PRKG1: variants seen among roughly 807,000 people sequenced by gnomAD.
PRKG1 encodes the protein cGMP-dependent protein kinase 1.
Under a neutral mutation model 88.1 loss-of-function variants are expected in PRKG1, and 35 were observed. The observed-to-expected ratio is 0.40, with a 90% CI of 0.30 to 0.53. PRKG1 has a LOEUF of 0.53. PRKG1 is among the 20% of genes least tolerant of loss of function. The pLI is 0.59. For synonymous variants in PRKG1, 303 were observed against 292.5 expected (o/e 1.04, Z -0.37); for missense variants, 540 against 839.8 (o/e 0.64, Z 4.41).
chr10:52,026,349 C>T (rs1164191866), intron 5 of PRKG1, among the ~76,000 whole-genome samples: 3 of 152,158 alleles, frequency 2.0e-5, no homozygotes, highest in East Asian at 3.9e-4. Context: ...AATTACACTT[C>T]TTTGCATATG....
chr10:51,570,883 C>T (rs1837735408), intron 3 of PRKG1, among the ~76,000 whole-genome samples: 1 of 151,880 alleles, frequency 6.6e-6, no homozygotes, highest in South Asian at 2.1e-4. Flanking sequence ...TGAATAGATT[C>T]CTAATGGAAC....
rs1192012355 is a variant in PRKG1 at position 51,989,305 on chromosome 10, G to A, written c.763-65179G>A. Among the ~76,000 whole-genome samples the A allele has an allele frequency of 1.3e-5, 2 of 152,106 alleles. 1 individual carries two copies. Among genetic ancestry groups the A allele is most frequent in the East Asian group, 3.9e-4 (2 of 5,194 alleles). ...GAGTTTGGTCTTTATATTGAGATTA[G>A]TAGGGAACAGTTGCAAGGTGTTAGT... On this transcript the variant is annotated intron_variant, in intron 5 of 17. Transcript: ENST00000373980.
intron 12 of PRKG1, among the ~76,000 whole-genome samples, chr10:52,273,386 C>T (rs1841784807): frequency 6.6e-6 from 1 of 151,914 alleles, no homozygotes; most frequent in Admixed American, 6.6e-5. Context: ...TGTTTGAGTC[C>T]TGCCTCCCAG....
chr10:52,156,772 C>A (rs939263514), intron 8 of PRKG1, among the ~76,000 whole-genome samples: 1 of 151,704 alleles, frequency 6.6e-6, no homozygotes, highest in Non-Finnish European at 1.5e-5. Context: ...ATGAAGGATC[C>A]CTCTGAAACC....
chr10:51,775,230 G>C (rs1043179309), intron 3 of PRKG1, among the ~76,000 whole-genome samples: 2 of 152,120 alleles, frequency 1.3e-5, no homozygotes, highest in Admixed American at 6.6e-5. Flanking sequence ...TATTCTGGTA[G>C]TGATGAATTT....
At chr10:52,253,648 A>G (rs560048754) in intron 10 of PRKG1, among the ~76,000 whole-genome samples, 52 of 151,856 alleles carry the variant, frequency 3.4e-4, no homozygotes, top group African/African-American at 1.2e-3. Context: ...TGTACATATA[A>G]TCTCCATCCC....
intron 2 of PRKG1, among the ~76,000 whole-genome samples, chr10:51,449,777 T>C (rs536196758): frequency 1.2e-4 from 16 of 129,146 alleles, no homozygotes; most frequent in African/African-American, 5.1e-4. Flanking sequence ...AAATACAATA[T>C]TTTTGCTTTT....
At chr10:51,092,496 A>C in intron 1 of PRKG1, among the ~76,000 whole-genome samples, 1 of 152,238 alleles carries the variant, frequency 6.6e-6, no homozygotes, top group South Asian at 2.1e-4. Context: ...GCTGAAGCTA[A>C]CTCCACTTTG....
chr10:51,211,572 G>A (rs1269981192), intron 2 of PRKG1, among the ~76,000 whole-genome samples: 5 of 152,192 alleles, frequency 3.3e-5, no homozygotes, highest in East Asian at 1.9e-4. Context: ...AAACCCCATC[G>A]TCTCAGCCTA....
intron 2 of PRKG1, among the ~76,000 whole-genome samples, chr10:51,237,122 G>A (rs1258655627): frequency 1.3e-5 from 2 of 152,200 alleles, no homozygotes; most frequent in Non-Finnish European, 1.5e-5. Context: ...CTAGGCAGTG[G>A]ACATTGAATA....
chr10:52,142,712 A>C (rs146396052), intron 8 of PRKG1, among the ~76,000 whole-genome samples: 75 of 152,262 alleles, frequency 4.9e-4, no homozygotes, highest in African/African-American at 1.8e-3. Flanking sequence ...TCAGCTAATA[A>C]ATTTATTTCA....
intron 3 of PRKG1, among the ~76,000 whole-genome samples, chr10:51,710,182 TG>T (rs1277490815): frequency 6.6e-6 from 1 of 152,148 alleles, no homozygotes; most frequent in African/African-American, 2.4e-5. Flanking sequence ...TTTGAGTCTC[TG>T]GCAGAACAGC....
chr10:51,213,595 T>C (rs1439964187), intron 2 of PRKG1, among the ~76,000 whole-genome samples: 1 of 152,238 alleles, frequency 6.6e-6, no homozygotes. Flanking sequence ...TTAGAAGAAT[T>C]TGCATTATAT....
At chr10:51,998,893 T>C (rs1407307985) in intron 5 of PRKG1, among the ~76,000 whole-genome samples, 2 of 152,228 alleles carry the variant, frequency 1.3e-5, no homozygotes, top group Non-Finnish European at 2.9e-5. Context: ...TTCAGTCTTT[T>C]CATCTCGTGT....
chr10:51,573,662 G>A (rs1033016930), intron 3 of PRKG1, among the ~76,000 whole-genome samples: 1 of 151,744 alleles, frequency 6.6e-6, no homozygotes, highest in Non-Finnish European at 1.5e-5. Context: ...CTTGAACAGA[G>A]CCTCCTGAAT....
intron 1 of PRKG1, among the ~76,000 whole-genome samples, chr10:51,100,103 A>C (rs921671292): frequency 1.2e-4 from 19 of 152,094 alleles, no homozygotes; most frequent in Non-Finnish European, 2.9e-5. Context: ...TGTGTTGCCC[A>C]GGTTGGTCCT....
intron 4 of PRKG1, among the ~76,000 whole-genome samples, chr10:51,895,569 C>T (rs548513151): frequency 6.6e-6 from 1 of 152,044 alleles, no homozygotes; most frequent in Non-Finnish European, 1.5e-5. Context: ...TTGGCTGCAC[C>T]GGGAACCAGA....
intron 3 of PRKG1, among the ~76,000 whole-genome samples, chr10:51,774,274 C>T (rs1200185247): frequency 6.6e-6 from 1 of 152,038 alleles, no homozygotes; most frequent in African/African-American, 2.4e-5. Flanking sequence ...ATCACTTTGC[C>T]TAATGAGATA....
intron 3 of PRKG1, among the ~76,000 whole-genome samples, chr10:51,695,234 G>A (rs1841257731): frequency 6.6e-6 from 1 of 152,040 alleles, no homozygotes; most frequent in Non-Finnish European, 1.5e-5. Flanking sequence ...ATTCTCTCTG[G>A]GGAACATAAG....
Sources: gnomAD v4.1 joint callset for allele counts (sites outside exome capture counted in the v4.1 genomes callset) on GRCh38, gnomAD v4.1.1 for gene constraint, MANE v1.5 for transcripts, NCBI Gene and HGNC (gene_info 2026-07-23, HGNC 2026-07-21) for gene names.